TMEM221: variants seen among roughly 807,000 people sequenced by gnomAD.
The protein encoded by TMEM221 is Putative transmembrane protein ENSP00000342162.
Under a neutral mutation model 10.2 loss-of-function variants are expected in TMEM221, and 11 were observed. The observed-to-expected ratio is 1.08, with a 90% CI of 0.68 to 1.79. The LOEUF is 1.79. Among genes scored for constraint, TMEM221 ranks in the 40% most tolerant of loss-of-function variants. TMEM221 has a pLI of 0.00. For missense variants in TMEM221, 382 were observed against 417.7 expected, an observed-to-expected ratio of 0.91 and a Z score of 0.75; for synonymous variants, 172 against 199.8, an observed-to-expected ratio of 0.86 and a Z score of 1.18.
intron 1 of TMEM221, among the ~76,000 whole-genome samples, chr19:17,447,694 C>T (rs918698290): frequency 3.9e-5 from 6 of 152,174 alleles, no homozygotes; most frequent in African/African-American, 1.4e-4. Flanking sequence ...TGACCACATC[C>T]CTGACTGAGT....
At chr19:17,443,785 A>G (rs1244484712) in intron 2 of TMEM221, among the ~76,000 whole-genome samples, 1 of 152,146 alleles carries the variant, frequency 6.6e-6, no homozygotes, top group African/African-American at 2.4e-5. Flanking sequence ...ATGATTCAGC[A>G]TTGAGTCCGC....
chr19:17,447,349 C>A (rs1473508336), intron 1 of TMEM221, among the ~76,000 whole-genome samples: 2 of 152,154 alleles, frequency 1.3e-5, no homozygotes, highest in African/African-American at 4.8e-5. Flanking sequence ...TTTTCTGTGA[C>A]CCCATGAGAG....
In TMEM221 at chr19:17,448,168, G is replaced by A; in HGVS notation, c.295C>T (p.Leu99=). The A allele has an allele frequency of 7.0e-7, 1 of 1,429,298 alleles. No individual in the cohort carries two copies. The highest frequency in any genetic ancestry group is 9.1e-7 in the Non-Finnish European group (1 of 1,094,554). The allele number at this position is 1,429,298 out of a possible 1,614,324, so 88.5% of individuals were successfully genotyped here. A position where few individuals can be genotyped will look rare whatever the true frequency, so the allele number is the denominator to read the frequency against. The change falls in exon 1 of 3, where the codon CTG becomes TTG. Residue 99 remains leucine (L), a synonymous_variant. Transcript: ENST00000341130. The surrounding 1 kb of genome is among the most constrained non-coding windows in gnomAD (Gnocchi z 4.7). The part of the protein sequence containing the change: ...AALCGHLGAE[L]ARGPGPRRSD... ...CTCCTGGGGCCAGGCCCCCGCGCCA[G>A]CTCGGCGCCCAGGTGGCCACAGAGC...
At position 17,436,437 on chromosome 19, in the gene TMEM221, C is replaced by T; in HGVS notation, c.*21G>A. ...ATGGTATCCTTTTCTTACACCAGGT[C>T]TCTATTCCTCATCCCTGGGCTCACA... On this transcript the variant is annotated 3_prime_UTR_variant, in exon 3 of 3. Coordinates refer to ENST00000341130, the MANE Select transcript of TMEM221 (RefSeq NM_001190844.2). 6.8e-7 allele frequency: 1 copy of T among 1,476,494 alleles called. No homozygotes were observed. The highest frequency in any genetic ancestry group is 9.0e-7 in the Non-Finnish European group (1 of 1,109,992). 91.5% of individuals were successfully genotyped at this position (1,476,494 alleles called of 1,614,324 possible).
intron 2 of TMEM221, among the ~76,000 whole-genome samples, chr19:17,439,325 T>A (rs2074922481): frequency 6.6e-6 from 1 of 151,968 alleles, no homozygotes; most frequent in African/African-American, 2.4e-5. Flanking sequence ...AAAACATCGT[T>A]CTGAGTGAGA....
intron 2 of TMEM221, among the ~76,000 whole-genome samples, chr19:17,443,063 G>A (rs1011488241): frequency 6.6e-6 from 1 of 151,848 alleles, no homozygotes; most frequent in Admixed American, 6.6e-5. Context: ...TGGATCACCT[G>A]AGGTCAGGAG....
intron 1 of TMEM221, 118 bp from the exon 2 acceptor site, chr19:17,445,402 C>A: frequency 1.3e-6 from 1 of 744,534 alleles, no homozygotes; most frequent in Non-Finnish European, 2.1e-6. Flanking sequence ...CTTTCAGGGA[C>A]CCAAAATCTA....
rs1256981680 is a variant in TMEM221, at chr19:17,445,287, G to A, written c.321-3C>T. 2 of 1,533,818 alleles carry A rather than the reference G, an allele frequency of 1.3e-6. No individual in the cohort carries two copies. The highest frequency in any genetic ancestry group is 3.9e-5 in the Admixed American group (2 of 50,928). On this transcript the variant is annotated splice_polypyrimidine_tract_variant and splice_region_variant and intron_variant, in intron 1 of 2. Coordinates refer to ENST00000341130, the MANE Select transcript of TMEM221 (RefSeq NM_001190844.2). ...AGTCGTAGAGAAACCAGTCAGACCT[G>A]GAATGAAGGGGAGCAGGAAGATAAA...
At chr19:17,437,891 T>C (rs2074915857) in intron 2 of TMEM221, among the ~76,000 whole-genome samples, 1 of 131,882 alleles carries the variant, frequency 7.6e-6, no homozygotes, top group Non-Finnish European at 1.7e-5. Context: ...CTCCTTCTTC[T>C]TCTTTTTCTT....
At chr19:17,442,442 CTTTTTTTT>C (rs35930067) in intron 2 of TMEM221, among the ~76,000 whole-genome samples, 2 of 137,544 alleles carry the variant, frequency 1.5e-5, no homozygotes, top group African/African-American at 5.4e-5. Context: ...TCTTTTCTTT[CTTTTTTTT>C]TTTTTTTTAG....
Position 17,440,866 on chromosome 19 carries a change from G to A in TMEM221, c.407-3939C>T, listed in dbSNP as rs566961175. 8.5e-5 allele frequency among the ~76,000 whole-genome samples: 13 copies of A among 152,238 alleles called. 1 individual carries two copies. In the South Asian group the frequency reaches 2.7e-3, roughly 32 times the overall value. Reference sequence around the variant, plus strand: ...ACGCCCCAGGCTTGGGGGGCATTGAGAGATTCACAACCCCTCTCTGGCCTC... The same window carrying A: ...ACGCCCCAGGCTTGGGGGGCATTGAAAGATTCACAACCCCTCTCTGGCCTC... On this transcript the variant is annotated intron_variant, in intron 2 of 2. Coordinates refer to ENST00000341130, the MANE Select transcript of TMEM221 (RefSeq NM_001190844.2).
At chr19:17,441,792 C>T (rs1373959688) in intron 2 of TMEM221, among the ~76,000 whole-genome samples, 1 of 151,238 alleles carries the variant, frequency 6.6e-6, no homozygotes, top group Non-Finnish European at 1.5e-5. Context: ...AGATATCACA[C>T]TGCATGATGT....
rs142155626 is a variant in TMEM221 at position 17,442,522 on chromosome 19, C to T, written c.406+2677G>A. ...TGGCATGATCTTGGCTCAGTGCAACCTCTGCCTCCCAGGTTCAAACAATTC... is the reference window on the plus strand; with the variant it reads ...TGGCATGATCTTGGCTCAGTGCAACTTCTGCCTCCCAGGTTCAAACAATTC... On this transcript the variant is annotated intron_variant, in intron 2 of 2. Coordinates refer to ENST00000341130, the MANE Select transcript of TMEM221 (RefSeq NM_001190844.2). 1.0e-3 allele frequency among the ~76,000 whole-genome samples: 156 copies of T among 151,654 alleles called. No homozygotes were observed. The East Asian group carries it at 0.016, about 15-fold the overall frequency.
At chr19:17,446,267 A>AT (rs1198925603) in intron 1 of TMEM221, among the ~76,000 whole-genome samples, 1 of 152,016 alleles carries the variant, frequency 6.6e-6, no homozygotes, top group Non-Finnish European at 1.5e-5. Context: ...TCTTTCCCCT[A>AT]TAACCCATCT....
At chr19:17,445,059 A>T in intron 2 of TMEM221, 140 bp downstream of exon 2, 2 of 694,384 alleles carry the variant, frequency 2.9e-6, no homozygotes, top group Non-Finnish European at 4.8e-6. Flanking sequence ...GACTTTGCCC[A>T]AGGCACCAAA....
At chr19:17,446,153 A>C (rs1351064431) in intron 1 of TMEM221, among the ~76,000 whole-genome samples, 1 of 150,384 alleles carries the variant, frequency 6.6e-6, no homozygotes, top group East Asian at 2.0e-4. Context: ...TCCACTGGTC[A>C]TCCATCTTCC....
At chr19:17,442,637 A>C (rs1038503593) in intron 2 of TMEM221, among the ~76,000 whole-genome samples, 3 of 151,476 alleles carry the variant, frequency 2.0e-5, no homozygotes, top group African/African-American at 7.3e-5. Context: ...ATGGAGTTTC[A>C]CCATGTTGCC....
chr19:17,437,470 A>G (rs774897112), intron 2 of TMEM221, among the ~76,000 whole-genome samples: 33 of 152,212 alleles, frequency 2.2e-4, no homozygotes, highest in Non-Finnish European at 4.7e-4. Context: ...GCTCACGCCT[A>G]TAATCCTAAC....
rs1466803340 is a variant in TMEM221, at chr19:17,436,457, C to T, written c.*1G>A. ...CAGGTCTCTATTCCTCATCCCTGGG[C>T]TCACACCAGTGTGGAGTCCTTCCCC... is the stretch of plus-strand genomic sequence containing the variant. On this transcript the variant is annotated 3_prime_UTR_variant, in exon 3 of 3. Coordinates refer to ENST00000341130, the MANE Select transcript of TMEM221 (RefSeq NM_001190844.2). 9.3e-6 allele frequency: 14 copies of T among 1,507,106 alleles called. No homozygotes were observed. Among genetic ancestry groups the T allele is most frequent in the Middle Eastern group, 3.8e-4 (2 of 5,320 alleles). 93.4% of individuals were successfully genotyped at this position (1,507,106 alleles called of 1,614,324 possible).
Sources: gnomAD v4.1 joint callset for allele counts (sites outside exome capture counted in the v4.1 genomes callset) on GRCh38, gnomAD v4.1.1 for gene constraint, Gnocchi (gnomAD v3.1) non-coding constraint, MANE v1.5 for transcripts, NCBI Gene and HGNC (gene_info 2026-07-23, HGNC 2026-07-21) for gene names.